PDCD4: variants seen among roughly 807,000 people sequenced by gnomAD.
PDCD4 encodes the protein programmed cell death protein 4.
Under a neutral mutation model 54.0 loss-of-function variants are expected in PDCD4, and 56 were observed. The ratio of observed to expected loss-of-function variants is 1.04; its 90% CI spans 0.84 to 1.30. PDCD4 has a LOEUF of 1.30. Ranked by LOEUF, PDCD4 falls within the 50% of genes most tolerant of loss-of-function variation. The pLI, the probability that PDCD4 is intolerant of heterozygous loss-of-function variation, is 0.00. For synonymous variants in PDCD4, 186 were observed against 194.8 expected (o/e 0.95, Z 0.37); for missense variants, 584 against 559.8 (o/e 1.04, Z -0.44).
chr10:110,894,639 TA>T (rs1845803998), intron 10 of PDCD4, 117 bp downstream of exon 10: 1 of 476,566 alleles, frequency 2.1e-6, no homozygotes, highest in Non-Finnish European at 3.7e-6. Flanking sequence ...TTAATATGCC[TA>T]TATGTTTTGT....
At chr10:110,891,566 A>G (rs78484995) in intron 8 of PDCD4, among the ~76,000 whole-genome samples, 8,973 of 152,162 alleles carry the variant, frequency 0.059, 339 homozygotes, top group African/African-American at 0.11. Context: ...AAGGCATGCA[A>G]CTAGAAGATT....
intron 1 of PDCD4, among the ~76,000 whole-genome samples, chr10:110,873,806 C>A (rs1281559252): frequency 6.6e-6 from 1 of 152,150 alleles, no homozygotes; most frequent in African/African-American, 2.4e-5. Context: ...ATCGGGTTAT[C>A]ATTGCCTAAA....
Position 110,890,618 on chromosome 10 carries a change from G to C in PDCD4, c.938G>C (p.Ser313Thr). Residue 313 changes from serine to threonine, a missense_variant, in exon 8 of 12, where the codon AGT (serine) becomes ACT (threonine). By Grantham distance (58) the Ser-to-Thr change is moderately conservative. Coordinates refer to ENST00000280154, the MANE Select transcript of PDCD4 (RefSeq NM_014456.5). Reference protein sequence around the residue: ...SMSKGGKRKDSVWGSGGGQQS... With the variant: ...SMSKGGKRKDTVWGSGGGQQS... ...TCTAAAGGTGGAAAGCGTAAAGATAGTGTGTGGGGCTCTGGAGGTGGGCAG... is the reference window on the plus strand; with the variant it reads ...TCTAAAGGTGGAAAGCGTAAAGATACTGTGTGGGGCTCTGGAGGTGGGCAG... 4.3e-6 allele frequency: 7 copies of C among 1,613,572 alleles called. No homozygotes were observed. Among genetic ancestry groups the C allele is most frequent in the Non-Finnish European group, 5.9e-6 (7 of 1,179,646 alleles).
intron 8 of PDCD4, among the ~76,000 whole-genome samples, chr10:110,891,623 C>G (rs940672063): frequency 6.6e-6 from 1 of 151,870 alleles, no homozygotes; most frequent in African/African-American, 2.4e-5. Context: ...TTTCATGTAA[C>G]TACAATTTTG....
chr10:110,885,069 T>C (rs974209392), intron 4 of PDCD4, 184 bp from the exon 5 acceptor site: 33 of 437,232 alleles, frequency 7.5e-5, no homozygotes, highest in African/African-American at 6.6e-4. Context: ...GTGTTGGGAT[T>C]ATAGGTATGA....
chr10:110,878,116 T>C (rs1009606985), intron 2 of PDCD4, among the ~76,000 whole-genome samples: 8 of 152,226 alleles, frequency 5.3e-5, no homozygotes, highest in African/African-American at 1.9e-4. Flanking sequence ...AATCACATTC[T>C]GTACTCAGCT....
At chr10:110,888,805 A>G (rs1188255635) in intron 6 of PDCD4, among the ~76,000 whole-genome samples, 3 of 152,096 alleles carry the variant, frequency 2.0e-5, no homozygotes, top group South Asian at 2.1e-4. Flanking sequence ...TTGGACACCA[A>G]TTTCCAGTTT....
chr10:110,891,154 C>G (rs1845749401), intron 8 of PDCD4, among the ~76,000 whole-genome samples: 1 of 152,054 alleles, frequency 6.6e-6, no homozygotes, highest in African/African-American at 2.4e-5. Flanking sequence ...ATTGTAATCC[C>G]AGCACTTTGA....
chr10:110,890,490 A>G (rs1845737598), intron 7 of PDCD4, 66 bp from the exon 8 acceptor site: 1 of 791,468 alleles, frequency 1.3e-6, no homozygotes, highest in East Asian at 2.7e-5. Flanking sequence ...TGTCAGCTTT[A>G]TCCCTAATTT....
intron 1 of PDCD4, among the ~76,000 whole-genome samples, chr10:110,874,881 GT>G (rs1034933503): frequency 6.6e-6 from 1 of 152,060 alleles, no homozygotes; most frequent in African/African-American, 2.4e-5. Flanking sequence ...CTAACAGTAG[GT>G]TAAGTTATAT....
chr10:110,876,776 A>G, intron 2 of PDCD4: 1 of 867,128 alleles, frequency 1.2e-6, no homozygotes, highest in Non-Finnish European at 1.7e-6. Context: ...AGATAATTTA[A>G]AATGTATTTA....
intron 9 of PDCD4, 60 bp downstream of exon 9, chr10:110,894,258 A>T: frequency 9.8e-7 from 1 of 1,017,218 alleles, no homozygotes; most frequent in Non-Finnish European, 1.5e-6. Flanking sequence ...TACTGTAGCG[A>T]CTTATGCTTT....
chr10:110,885,199 C>T, intron 4 of PDCD4, 54 bp from the exon 5 acceptor site: 2 of 800,394 alleles, frequency 2.5e-6, no homozygotes, highest in Non-Finnish European at 4.3e-6. Flanking sequence ...AACAATTTCA[C>T]TTGTTTATTT....
intron 2 of PDCD4, 143 bp from the exon 3 acceptor site, chr10:110,881,090 A>G (rs1317633058): frequency 1.6e-6 from 1 of 608,784 alleles, no homozygotes; most frequent in Non-Finnish European, 2.9e-6. Context: ...ATTGAAGTAG[A>G]TGAAATTCCC....
chr10:110,879,051 A>G (rs1341301126), intron 2 of PDCD4, among the ~76,000 whole-genome samples: 1 of 152,124 alleles, frequency 6.6e-6, no homozygotes, highest in African/African-American at 2.4e-5. Flanking sequence ...ACTTCTCTTT[A>G]ATCCTAGATA....
In PDCD4 at chr10:110,896,667, TTTG is replaced by T. The variant is rs896059145; in HGVS notation, c.1349+589_1349+591del. ...TTTTTGCTACTAGTTGGTAAGTTTT[TTTG>T]TTGTTGTTAAAGCTAATAATGAAGC... is the stretch of plus-strand genomic sequence containing the variant. On this transcript the variant is annotated intron_variant, in intron 11 of 11. Transcript: ENST00000280154. 1.1e-4 allele frequency among the ~76,000 whole-genome samples: 17 copies of T among 152,254 alleles called. No individual in the cohort carries two copies. The East Asian group carries it at 1.9e-3, about 17-fold the overall frequency.
chr10:110,896,670 G>T (rs1047888384), intron 11 of PDCD4, among the ~76,000 whole-genome samples: 4 of 152,004 alleles, frequency 2.6e-5, no homozygotes, highest in African/African-American at 9.7e-5. Flanking sequence ...AAGTTTTTTT[G>T]TTGTTGTTAA....
intron 2 of PDCD4, among the ~76,000 whole-genome samples, chr10:110,880,753 C>T (rs1034362673): frequency 6.6e-6 from 1 of 152,154 alleles, no homozygotes; most frequent in Non-Finnish European, 1.5e-5. Flanking sequence ...TAATTAACTG[C>T]CAAACTTGTG....
intron 11 of PDCD4, among the ~76,000 whole-genome samples, chr10:110,896,923 G>T (rs1845843426): frequency 6.6e-6 from 1 of 152,180 alleles, no homozygotes; most frequent in African/African-American, 2.4e-5. Context: ...AGTGATGAAA[G>T]ATAGTTTAAT....
Sources: gnomAD v4.1 joint callset for allele counts (sites outside exome capture counted in the v4.1 genomes callset) on GRCh38, gnomAD v4.1.1 for gene constraint, MANE v1.5 for transcripts, NCBI Gene and HGNC (gene_info 2026-07-23, HGNC 2026-07-21) for gene names.